Variants in RASGRF2 observed in about 807,000 individuals in gnomAD.
The protein encoded by RASGRF2 is Ras protein specific guanine nucleotide releasing factor 2.
RASGRF2 carries 76 observed loss-of-function variants against 151.0 expected under a neutral mutation model. The ratio of observed to expected loss-of-function variants is 0.50; its 90% CI spans 0.42 to 0.61. RASGRF2 has a LOEUF of 0.61. Among genes scored for constraint, RASGRF2 ranks in the 20% least tolerant of loss-of-function variants. The pLI, the probability that RASGRF2 is intolerant of heterozygous loss-of-function variation, is 0.00. For missense variants in RASGRF2, 1,148 were observed against 1,564.6 expected, an observed-to-expected ratio of 0.73 and a Z score of 4.49; for synonymous variants, 504 against 566.5, an observed-to-expected ratio of 0.89 and a Z score of 1.57.
At chr5:81,100,757 A>G (rs1752677627) in intron 12 of RASGRF2, among the ~76,000 whole-genome samples, 1 of 152,126 alleles carries the variant, frequency 6.6e-6, no homozygotes, top group South Asian at 2.1e-4. Context: ...TGTGTAGACA[A>G]ATTTGTAGCA....
chr5:81,169,850 GCACCACCTGTATCACCCA>G, intron 17 of RASGRF2, among the ~76,000 whole-genome samples: 1 of 136,248 alleles, frequency 7.3e-6, no homozygotes, highest in African/African-American at 2.8e-5. Context: ...TGCATCACCT[GCACCACCTGTATCACCCA>G]TACCACCTGC....
At position 81,150,334 on chromosome 5, in the gene RASGRF2, G is replaced by A. The variant is rs558385863; in HGVS notation, c.2686+23171G>A. 5.3e-5 allele frequency among the ~76,000 whole-genome samples: 8 copies of A among 152,292 alleles called. No homozygotes were observed. In the South Asian group the frequency reaches 1.7e-3, roughly 32 times the overall value. ...CATCTTTAAAATGAGAAGAATGACT[G>A]TACCCAACTCACAGGGCTCTCCTGA... On this transcript the variant is annotated intron_variant, in intron 17 of 26. Coordinates refer to ENST00000265080, the MANE Select transcript of RASGRF2 (RefSeq NM_006909.3).
At chr5:80,996,747 G>A (rs1311899438) in intron 1 of RASGRF2, among the ~76,000 whole-genome samples, 3 of 150,790 alleles carry the variant, frequency 2.0e-5, no homozygotes. Flanking sequence ...CCACAGGCAC[G>A]TGCCACCACA....
intron 1 of RASGRF2, among the ~76,000 whole-genome samples, chr5:81,032,652 T>C (rs1401195877): frequency 1.3e-5 from 2 of 152,146 alleles, no homozygotes; most frequent in Non-Finnish European, 2.9e-5. Flanking sequence ...TATCTCAAAA[T>C]AATAAGAGCT....
chr5:81,086,708 C>T (rs1752237306), intron 8 of RASGRF2, 127 bp from the exon 9 acceptor site: 2 of 724,282 alleles, frequency 2.8e-6, no homozygotes, highest in Non-Finnish European at 4.6e-6. Context: ...CAGCCTATTT[C>T]CCCCAAACCC....
At chr5:81,065,044 G>A (rs944986362) in intron 2 of RASGRF2, among the ~76,000 whole-genome samples, 5 of 152,056 alleles carry the variant, frequency 3.3e-5, no homozygotes, top group African/African-American at 1.2e-4. Context: ...GCAAGGAAAT[G>A]AACTTTTCTA....
At chr5:80,984,737 T>C (rs1235827658) in intron 1 of RASGRF2, among the ~76,000 whole-genome samples, 2 of 152,204 alleles carry the variant, frequency 1.3e-5, no homozygotes, top group Admixed American at 1.3e-4. Flanking sequence ...CATTAGAATG[T>C]TGTCATTAAT....
intron 13 of RASGRF2, among the ~76,000 whole-genome samples, chr5:81,111,876 T>C (rs1334212041): frequency 4.6e-5 from 7 of 152,072 alleles, no homozygotes; most frequent in Non-Finnish European, 1.0e-4. Flanking sequence ...GAGAAAGAAA[T>C]AACTGCGGAT....
chr5:81,217,844 G>A (rs1283362132), intron 25 of RASGRF2, among the ~76,000 whole-genome samples: 1 of 151,144 alleles, frequency 6.6e-6, no homozygotes, highest in South Asian at 2.1e-4. Flanking sequence ...CCGGGTTCAC[G>A]CCATTCTCCT....
chr5:81,055,426 C>T (rs1240816182), intron 2 of RASGRF2, among the ~76,000 whole-genome samples: 4 of 152,070 alleles, frequency 2.6e-5, no homozygotes, highest in Non-Finnish European at 5.9e-5. Context: ...TGCTGGATTA[C>T]GTTTATTGAT....
rs1306811370 is a variant in RASGRF2 at position 81,229,613 on chromosome 5, G to C, written c.*3843G>C. ...ACATTAGGATTGATAGCACTAGTCT[G>C]ATCTGCTCAAGGAAAATAATAGTTC... On this transcript the variant is annotated 3_prime_UTR_variant, in exon 27 of 27. Coordinates refer to ENST00000265080, the MANE Select transcript of RASGRF2 (RefSeq NM_006909.3). The C allele has an allele frequency of 2.6e-5, 4 of 152,228 alleles. No homozygotes were observed. 9.4% of individuals were successfully genotyped at this position (152,228 alleles called of 1,614,324 possible). A position where few individuals can be genotyped will look rare whatever the true frequency, so the allele number is the denominator to read the frequency against.
intron 1 of RASGRF2, among the ~76,000 whole-genome samples, chr5:80,963,896 ATTAGTTGTGTT>A (rs1337338346): frequency 1.3e-5 from 2 of 152,028 alleles, no homozygotes; most frequent in African/African-American, 4.8e-5. Flanking sequence ...TTTTATGCTT[ATTAGTTGTGTT>A]TTTAGGTAAG....
chr5:81,205,712 C>G (rs1339660146), intron 19 of RASGRF2, among the ~76,000 whole-genome samples: 1 of 152,122 alleles, frequency 6.6e-6, no homozygotes, highest in African/African-American at 2.4e-5. Flanking sequence ...CAGCAGAGTA[C>G]ATGGTTTGGG....
In RASGRF2 at chr5:81,219,029, C is replaced by A. The variant is rs564671799; in HGVS notation, c.3553-681C>A. 2.6e-3 allele frequency among the ~76,000 whole-genome samples: 397 copies of A among 151,748 alleles called. 4 individuals are homozygous for A. Among genetic ancestry groups the A allele is most frequent in the African/African-American group, 9.2e-3 (381 of 41,294 alleles). On this transcript the variant is annotated intron_variant, in intron 25 of 26. Transcript: ENST00000265080. ...TCCAAGGATGGCTTCCTAAGACTGA[C>A]CAGTGATAGACACTTGCTGAAGGCT...
At position 81,113,883 on chromosome 5, in the gene RASGRF2, G is replaced by A; in HGVS notation, c.2433G>A (p.Val811=). The A allele has an allele frequency of 6.2e-7, 1 of 1,614,116 alleles. No homozygotes were observed. Among genetic ancestry groups the A allele is most frequent in the Admixed American group, 1.7e-5 (1 of 60,016 alleles). The change falls in exon 15 of 27, where the codon GTG becomes GTA. Residue 811 remains valine (V), a synonymous_variant. Coordinates refer to ENST00000265080, the MANE Select transcript of RASGRF2 (RefSeq NM_006909.3). ...AAGAGAATGTCGATAACCCACGCGT[G>A]GATCTGTGTAACAAGCTAAAACGAA... ...TVEENVDNPR[V]DLCNKLKRSI... is the part of the protein sequence containing the mutation.
At chr5:81,140,920 A>T (rs1196900455) in intron 17 of RASGRF2, among the ~76,000 whole-genome samples, 2 of 151,864 alleles carry the variant, frequency 1.3e-5, no homozygotes, top group African/African-American at 2.4e-5. Context: ...GGACACAGCC[A>T]CTGCCCAGCC....
chr5:81,132,508 A>C (rs1229836903), intron 17 of RASGRF2, among the ~76,000 whole-genome samples: 2 of 152,130 alleles, frequency 1.3e-5, no homozygotes, highest in Non-Finnish European at 2.9e-5. Context: ...GGATACCCAC[A>C]ACCCTGAGCT....
At chr5:81,010,656 T>G (rs929987195) in intron 1 of RASGRF2, among the ~76,000 whole-genome samples, 2 of 152,206 alleles carry the variant, frequency 1.3e-5, no homozygotes, top group Admixed American at 6.5e-5. Context: ...CATTTTCTTC[T>G]AAAAGTCTGA....
chr5:81,194,664 T>G (rs1755222803), intron 18 of RASGRF2, among the ~76,000 whole-genome samples: 1 of 152,206 alleles, frequency 6.6e-6, no homozygotes, highest in Admixed American at 6.5e-5. Flanking sequence ...TGGCCAGAAC[T>G]ACCCGCTTTT....
Sources: gnomAD v4.1 joint callset for allele counts (sites outside exome capture counted in the v4.1 genomes callset) on GRCh38, gnomAD v4.1.1 for gene constraint, MANE v1.5 for transcripts, NCBI Gene and HGNC (gene_info 2026-07-23, HGNC 2026-07-21) for gene names.